The following GAS2 variants were observed in gnomAD, a reference collection of about 807,000 sequenced individuals.
GAS2 encodes growth arrest-specific protein 2.
Under a neutral mutation model 37.5 loss-of-function variants are expected in GAS2, and 20 were observed. The ratio of observed to expected loss-of-function variants is 0.53; its 90% CI spans 0.37 to 0.77. GAS2 has a LOEUF of 0.77. Ranked by LOEUF, GAS2 falls within the 30% of genes least tolerant of loss-of-function variation. GAS2 has a pLI of 0.00. For missense variants in GAS2, 336 were observed against 373.4 expected (o/e 0.90, Z 0.82); for synonymous variants, 144 against 132.2 (o/e 1.09, Z -0.61).
chr11:22,657,976 A>C (rs1848873945), intron 1 of GAS2, among the ~76,000 whole-genome samples: 1 of 151,962 alleles, frequency 6.6e-6, no homozygotes, highest in African/African-American at 2.4e-5. Context: ...GAAATTTAAA[A>C]CGATCCAGAT....
At chr11:22,638,232 A>G (rs1647620540) in intron 1 of GAS2, among the ~76,000 whole-genome samples, 1 of 152,084 alleles carries the variant, frequency 6.6e-6, no homozygotes, top group Non-Finnish European at 1.5e-5. Context: ...TGCAACATGT[A>G]CTCTTGGTCC....
chr11:22,675,759 A>G (rs1849400703), intron 2 of GAS2, among the ~76,000 whole-genome samples: 1 of 152,196 alleles, frequency 6.6e-6, no homozygotes, highest in South Asian at 2.1e-4. Context: ...AGATCCCTGT[A>G]GACTTTATAA....
At chr11:22,774,702 A>G (rs1590116114) in intron 7 of GAS2, among the ~76,000 whole-genome samples, 1 of 152,172 alleles carries the variant, frequency 6.6e-6, no homozygotes, top group Admixed American at 6.5e-5. Flanking sequence ...CCTTTCATGA[A>G]TCTTTCATGC....
chr11:22,780,028 T>C (rs553467636), intron 7 of GAS2, among the ~76,000 whole-genome samples: 1 of 152,230 alleles, frequency 6.6e-6, no homozygotes, highest in African/African-American at 2.4e-5. Flanking sequence ...TGATTGTTGC[T>C]CTCTTCCCAG....
intron 1 of GAS2, among the ~76,000 whole-genome samples, chr11:22,657,390 C>G (rs1355057639): frequency 6.6e-6 from 1 of 152,168 alleles, no homozygotes; most frequent in African/African-American, 2.4e-5. Context: ...TCTGAAGACT[C>G]TAGAGCAGAG....
chr11:22,752,601 G>C (rs1853802570), intron 6 of GAS2, among the ~76,000 whole-genome samples: 1 of 151,468 alleles, frequency 6.6e-6, no homozygotes, highest in South Asian at 2.1e-4. Context: ...TAATAATATT[G>C]GCTAATTTTA....
chr11:22,685,970 T>C (rs1207940830), intron 3 of GAS2, among the ~76,000 whole-genome samples, 181 bp downstream of exon 3: 1 of 152,204 alleles, frequency 6.6e-6, no homozygotes, highest in Non-Finnish European at 1.5e-5. Flanking sequence ...TTACATAAAT[T>C]GCATAATCCT....
At chr11:22,780,019 G>T (rs1855472420) in intron 7 of GAS2, among the ~76,000 whole-genome samples, 1 of 152,192 alleles carries the variant, frequency 6.6e-6, no homozygotes, top group African/African-American at 2.4e-5. Flanking sequence ...ACTCGGAGTT[G>T]ATTGTTGCTC....
chr11:22,796,924 A>G (rs1856453323), intron 7 of GAS2, among the ~76,000 whole-genome samples: 1 of 152,074 alleles, frequency 6.6e-6, no homozygotes, highest in Non-Finnish European at 1.5e-5. Context: ...ATAGGTTATT[A>G]TATCTGTGGA....
At chr11:22,654,033 T>C (rs1057214363) in intron 1 of GAS2, among the ~76,000 whole-genome samples, 1 of 152,198 alleles carries the variant, frequency 6.6e-6, no homozygotes, top group African/African-American at 2.4e-5. Context: ...CCAAATTATT[T>C]TGATTCTTGA....
At chr11:22,638,610 T>C (rs1388590377) in intron 1 of GAS2, among the ~76,000 whole-genome samples, 1 of 152,140 alleles carries the variant, frequency 6.6e-6, no homozygotes, top group African/African-American at 2.4e-5. Flanking sequence ...CCTCTCAAAG[T>C]GCTGGGATTA....
intron 7 of GAS2, among the ~76,000 whole-genome samples, chr11:22,772,632 GT>G (rs1855041273): frequency 6.6e-6 from 1 of 152,234 alleles, no homozygotes; most frequent in East Asian, 1.9e-4. Flanking sequence ...TTGTGTGATA[GT>G]TTTTTGAAGG....
chr11:22,633,266 T>C (rs1858769492), intron 1 of GAS2, among the ~76,000 whole-genome samples: 1 of 152,222 alleles, frequency 6.6e-6, no homozygotes, highest in Non-Finnish European at 1.5e-5. Flanking sequence ...AGGATATGAC[T>C]GTAATGTTTA....
chr11:22,805,200 T>G (rs1456275206), intron 7 of GAS2, among the ~76,000 whole-genome samples: 1 of 152,116 alleles, frequency 6.6e-6, no homozygotes. Flanking sequence ...AAAAAGAATT[T>G]ATATATGGGT....
At chr11:22,772,360 C>T (rs4307722) in intron 7 of GAS2, among the ~76,000 whole-genome samples, 72,830 of 151,912 alleles carry the variant, frequency 0.48, 19,238 homozygotes, top group South Asian at 0.62. Context: ...AATATGAGTA[C>T]CTCTGTTATT....
intron 7 of GAS2, among the ~76,000 whole-genome samples, chr11:22,778,306 G>T (rs10500943): frequency 0.36 from 55,064 of 151,994 alleles, 10,783 homozygotes; most frequent in South Asian, 0.57. Flanking sequence ...ATAAATTATT[G>T]TCTAGCTCCT....
In GAS2 at chr11:22,748,692, A is replaced by G. The variant is rs1439448857; in HGVS notation, c.474-428A>G. Among the ~76,000 whole-genome samples the G allele has an allele frequency of 2.0e-5, 3 of 152,022 alleles. No individual in the cohort carries two copies. In the East Asian group the frequency reaches 5.8e-4, roughly 29 times the overall value. Reference sequence around the variant, plus strand: ...CATTTAAAGATGTTTATTTCTGGGGATTGCTGTTTGCAAACTTGAGTCTGA... The same window carrying G: ...CATTTAAAGATGTTTATTTCTGGGGGTTGCTGTTTGCAAACTTGAGTCTGA... On this transcript the variant is annotated intron_variant, in intron 5 of 7. Coordinates refer to ENST00000454584, the MANE Select transcript of GAS2 (RefSeq NM_001143830.3).
chr11:22,651,716 C>T (rs1398600484), intron 1 of GAS2, among the ~76,000 whole-genome samples: 2 of 152,156 alleles, frequency 1.3e-5, no homozygotes, highest in African/African-American at 2.4e-5. Context: ...GGCATCAGCT[C>T]CTGAGGCTTC....
At chr11:22,733,658 C>T (rs1421145618) in intron 4 of GAS2, among the ~76,000 whole-genome samples, 3 of 151,604 alleles carry the variant, frequency 2.0e-5, no homozygotes, top group Admixed American at 6.6e-5. Flanking sequence ...CATTTGATGC[C>T]CATGAGATTT....
Sources: gnomAD v4.1 joint callset for allele counts (sites outside exome capture counted in the v4.1 genomes callset) on GRCh38, gnomAD v4.1.1 for gene constraint, MANE v1.5 for transcripts, NCBI Gene and HGNC (gene_info 2026-07-23, HGNC 2026-07-21) for gene names.